ZBTB21: variants seen among roughly 807,000 people sequenced by gnomAD.
ZBTB21 encodes the protein zinc finger and BTB domain-containing protein 21.
ZBTB21 carries 10 observed loss-of-function variants against 39.8 expected under a neutral mutation model. That is an observed-to-expected ratio of 0.25 (90% confidence interval 0.16 to 0.43). The LOEUF is 0.43. Among genes scored for constraint, ZBTB21 ranks in the 20% least tolerant of loss-of-function variants. The pLI, the probability that ZBTB21 is intolerant of heterozygous loss-of-function variation, is 1.00. For missense variants in ZBTB21, 1,221 were observed against 1,296.3 expected, an observed-to-expected ratio of 0.94 and a Z score of 0.89; for synonymous variants, 551 against 498.8, an observed-to-expected ratio of 1.10 and a Z score of -1.40.
At position 41,990,267 on chromosome 21, in the gene ZBTB21, T is replaced by A. The variant is rs2065633065; in HGVS notation, c.*628A>T. On this transcript the variant is annotated 3_prime_UTR_variant, in exon 3 of 3. Coordinates refer to ENST00000310826, the MANE Select transcript of ZBTB21 (RefSeq NM_001098402.2). ...TATATTGACTGAGAGCAAGTTTTTGTTAGTTTATAAAAATCTAAGTGTTAC... is the reference window on the plus strand; with the variant it reads ...TATATTGACTGAGAGCAAGTTTTTGATAGTTTATAAAAATCTAAGTGTTAC... 6.5e-6 allele frequency: 1 copy of A among 152,768 alleles called. No individual in the cohort carries two copies. Among genetic ancestry groups the A allele is most frequent in the Non-Finnish European group, 1.5e-5 (1 of 68,034 alleles). 9.5% of individuals were successfully genotyped at this position (152,768 alleles called of 1,614,324 possible).
chr21:42,000,530 T>C (rs550245047), intron 2 of ZBTB21, among the ~76,000 whole-genome samples: 4 of 152,324 alleles, frequency 2.6e-5, no homozygotes, highest in Non-Finnish European at 5.9e-5. Flanking sequence ...GGGAGTTTTC[T>C]ACATCCCTGG....
Position 42,010,328 on chromosome 21 carries a change from CGCTGTG to C in ZBTB21, c.-161_-156del. On this transcript the variant is annotated 5_prime_UTR_variant, in exon 1 of 3. It adds an upstream start codon to the 5' untranslated region. Coordinates refer to ENST00000310826, the MANE Select transcript of ZBTB21 (RefSeq NM_001098402.2). ...TCGCGCGCGCCGCAGCCGCCGCTGC[CGCTGTG>C]ATTCCATCCATCTTGAATTTGACGT... is the stretch of plus-strand genomic sequence containing the variant. 2.5e-6 allele frequency: 1 copy of C among 397,628 alleles called. No homozygotes were observed. The allele number at this position is 397,628 out of a possible 1,614,324, so 24.6% of individuals were successfully genotyped here.
Position 41,993,545 on chromosome 21 carries a change from G to A in ZBTB21, c.551C>T (p.Ala184Val). Residue 184 changes from alanine (A) to valine (V), a missense_variant, in exon 3 of 3, where the codon GCC (alanine) becomes GTC (valine). By Grantham distance (64) the Ala-to-Val change is moderately conservative. Transcript: ENST00000310826. ...TGGGACATGTGGCTTATTGGTATTG[G>A]CCTTGACTGCAATGCTAGGAGAGGG... ...SRPSPSIAVK[A>V]NTNKPHVPKP... The A allele has an allele frequency of 6.2e-7, 1 of 1,614,210 alleles. No homozygotes were observed. Among genetic ancestry groups the A allele is most frequent in the South Asian group, 1.1e-5 (1 of 91,080 alleles).
At chr21:41,996,563 G>GAC (rs1273099044) in intron 2 of ZBTB21, among the ~76,000 whole-genome samples, 1 of 152,242 alleles carries the variant, frequency 6.6e-6, no homozygotes, top group Non-Finnish European at 1.5e-5. Flanking sequence ...CTCATAGGCG[G>GAC]AAGGGATTTG....
chr21:42,003,174 G>A (rs1274841700), intron 1 of ZBTB21, among the ~76,000 whole-genome samples: 1 of 152,174 alleles, frequency 6.6e-6, no homozygotes. Flanking sequence ...GGATTTTTAT[G>A]AAGGACAGAA....
chr21:42,008,795 CAAAAAGTT>C (rs2065916867), intron 1 of ZBTB21, among the ~76,000 whole-genome samples: 2 of 152,154 alleles, frequency 1.3e-5, no homozygotes, highest in African/African-American at 4.8e-5. Context: ...GAAAAATAAA[CAAAAAGTT>C]ACTTTTAAGT....
chr21:42,007,590 G>A (rs1298612552), intron 1 of ZBTB21, among the ~76,000 whole-genome samples: 2 of 152,180 alleles, frequency 1.3e-5, no homozygotes, highest in Admixed American at 1.3e-4. Context: ...TTTGCCCCTA[G>A]CCAGCAGCTC....
At chr21:42,005,349 C>T (rs957584371) in intron 1 of ZBTB21, among the ~76,000 whole-genome samples, 2 of 152,158 alleles carry the variant, frequency 1.3e-5, no homozygotes, top group African/African-American at 2.4e-5. Context: ...ACTTTGTCCT[C>T]GGAATATGAA....
rs758232345 is a variant in ZBTB21 at position 41,991,255 on chromosome 21, G to A, written c.2841C>T (p.Arg947=). ...AGTGACTCCAGAGTCGAAAATTAGT[G>A]CGAAAAGCTTTGTTGCACACGTGAC... ...FICHVCNKAF[R]TNFRLWSHFQ... Residue 947 remains arginine, a synonymous_variant, in exon 3 of 3, where the codon CGC becomes CGT. Transcript: ENST00000310826. This position sits in a 1 kb window ranked among gnomAD's most constrained non-coding sequence, Gnocchi z 4.9. 5 of 1,614,042 alleles carry A rather than the reference G, an allele frequency of 3.1e-6. No individual in the cohort carries two copies. In the East Asian group the frequency reaches 1.1e-4, roughly 36 times the overall value.
intron 2 of ZBTB21, among the ~76,000 whole-genome samples, chr21:41,997,583 AAAAAAAC>A (rs2065764895): frequency 7.5e-6 from 1 of 133,524 alleles, no homozygotes; most frequent in African/African-American, 2.9e-5. Context: ...CTCAAAAAAA[AAAAAAAC>A]AAAAAAACAA....
chr21:41,991,474 C>T lies in ZBTB21; in HGVS notation c.2622G>A (p.Leu874=). 1 of 1,614,146 alleles carries T rather than the reference C, an allele frequency of 6.2e-7. No individual in the cohort carries two copies. The highest frequency in any genetic ancestry group is 1.1e-5 in the South Asian group (1 of 91,078). ...LPEDLSLSKQ[L]KIQVKEEPVE... ...CAGGCTCCTCTTTGACTTGGATTTT[C>T]AGTTGCTTGGAAAGACTAAGGTCTT... Residue 874 remains leucine, a synonymous_variant, in exon 3 of 3, where the codon CTG becomes CTA. Transcript: ENST00000310826. The surrounding 1 kb of genome is among the most constrained non-coding windows in gnomAD (Gnocchi z 4.9).
In ZBTB21 at chr21:41,991,217, A is replaced by G. The variant is rs375385271; in HGVS notation, c.2879T>C (p.Met960Thr). Residue 960 changes from methionine to threonine, a missense_variant, in exon 3 of 3, where the codon ATG becomes ACG. Physicochemically the swap from Met to Thr is moderately conservative, Grantham distance 81 (BLOSUM62 -1). Around this residue, in one of 4 missense-constraint regions of ZBTB21, gnomAD observed 523 missense variants for 542.5 expected, o/e 0.96. Coordinates refer to ENST00000310826, the MANE Select transcript of ZBTB21 (RefSeq NM_001098402.2). The surrounding 1 kb of genome is among the most constrained non-coding windows in gnomAD (Gnocchi z 4.9). Reference sequence around the variant, plus strand: ...TGCCGATTCCTCTGAAGCCTGAGACATGTGCGATTGGAAGTGACTCCAGAG... The same window carrying G: ...TGCCGATTCCTCTGAAGCCTGAGACGTGTGCGATTGGAAGTGACTCCAGAG... ...FRLWSHFQSH[M>T]SQASEESAHK... 4.3e-6 allele frequency: 7 copies of G among 1,614,076 alleles called. No homozygotes were observed. Among genetic ancestry groups the G allele is most frequent in the East Asian group, 2.2e-5 (1 of 44,900 alleles).
chr21:42,007,571 C>T (rs1233192618), intron 1 of ZBTB21, among the ~76,000 whole-genome samples: 1 of 151,874 alleles, frequency 6.6e-6, no homozygotes, highest in Non-Finnish European at 1.5e-5. Flanking sequence ...CTCTACAAAG[C>T]TTTTGTAATT....
In ZBTB21 at chr21:41,990,389, C is replaced by CT. The variant is rs2065634192; in HGVS notation, c.*505dup. 1 of 152,562 alleles carries CT rather than the reference C, an allele frequency of 6.6e-6. No individual in the cohort carries two copies. Among genetic ancestry groups the CT allele is most frequent in the African/African-American group, 2.4e-5 (1 of 41,438 alleles). 9.5% of individuals were successfully genotyped at this position (152,562 alleles called of 1,614,324 possible). A position where few individuals can be genotyped will look rare whatever the true frequency, so the allele number is the denominator to read the frequency against. On this transcript the variant is annotated 3_prime_UTR_variant, in exon 3 of 3. Coordinates refer to ENST00000310826, the MANE Select transcript of ZBTB21 (RefSeq NM_001098402.2). Reference sequence around the variant, plus strand: ...TTATTTTTATCAAGTGTCAGGATAACTTATTAAAGTTGAGATTTATCTTTT... The same window carrying CT: ...TTATTTTTATCAAGTGTCAGGATAACTTTATTAAAGTTGAGATTTATCTTTT...
chr21:42,009,121 G>A (rs1193152124), intron 1 of ZBTB21: 1 of 149,996 alleles, frequency 6.7e-6, no homozygotes, highest in Non-Finnish European at 1.5e-5. Context: ...AGGGCTGTGA[G>A]CGCTTGCACG....
chr21:42,007,755 C>T (rs1352175029), intron 1 of ZBTB21: 1 of 152,220 alleles, frequency 6.6e-6, no homozygotes, highest in Non-Finnish European at 1.5e-5. Flanking sequence ...CAAGGCCTGG[C>T]AAGCTAGGTA....
In ZBTB21 at chr21:41,990,044, T is replaced by C. The variant is rs1025904920; in HGVS notation, c.*851A>G. ...CTCAGATTTTCAATTTGTGACAGCA[T>C]AAATCAGAGGAAATGAAATATGTGC... On this transcript the variant is annotated 3_prime_UTR_variant, in exon 3 of 3. Transcript: ENST00000310826. 1 of 152,238 alleles carries C rather than the reference T, an allele frequency of 6.6e-6. No homozygotes were observed. The highest frequency in any genetic ancestry group is 1.5e-5 in the Non-Finnish European group (1 of 68,032). 9.4% of individuals were successfully genotyped at this position (152,238 alleles called of 1,614,324 possible).
At chr21:41,996,761 T>G (rs1471426915) in intron 2 of ZBTB21, among the ~76,000 whole-genome samples, 1 of 152,162 alleles carries the variant, frequency 6.6e-6, no homozygotes, top group Non-Finnish European at 1.5e-5. Context: ...GAATTGTAGC[T>G]CTCACAATTC....
In ZBTB21 at chr21:41,990,430, T is replaced by G. The variant is rs1439093164; in HGVS notation, c.*465A>C. 1.3e-5 allele frequency: 2 copies of G among 152,832 alleles called. No individual in the cohort carries two copies. Among genetic ancestry groups the G allele is most frequent in the African/African-American group, 4.8e-5 (2 of 41,466 alleles). The allele number at this position is 152,832 out of a possible 1,614,324, so 9.5% of individuals were successfully genotyped here. A position where few individuals can be genotyped will look rare whatever the true frequency, so the allele number is the denominator to read the frequency against. ...TTTATCTTTTATTGCTAAAGTAGTC[T>G]AAGATATAAATCAATACTGCAAACT... On this transcript the variant is annotated 3_prime_UTR_variant, in exon 3 of 3. Transcript: ENST00000310826.
Sources: allele counts gnomAD v4.1 joint callset (sites outside exome capture counted in the v4.1 genomes callset), GRCh38; gene constraint gnomAD v4.1.1; regional missense constraint gnomAD v4.1.1; non-coding constraint Gnocchi (gnomAD v3.1); transcripts MANE v1.5; gene names NCBI Gene and HGNC (gene_info 2026-07-23, HGNC 2026-07-21).